The following DLGAP2 variants were observed in gnomAD, a reference collection of about 807,000 sequenced individuals.
DLGAP2 encodes disks large-associated protein 2.
DLGAP2 carries 26 observed loss-of-function variants against 100.3 expected under a neutral mutation model. The ratio of observed to expected loss-of-function variants is 0.26; its 90% CI spans 0.19 to 0.36. DLGAP2 has a LOEUF of 0.36. DLGAP2 is among the 10% of genes least tolerant of loss of function. The probability of loss-of-function intolerance (pLI) is 1.00; values close to 1 mark genes in which losing one functional copy is unlikely to be tolerated. For synonymous variants in DLGAP2, 886 were observed against 630.1 expected, an observed-to-expected ratio of 1.41 and a Z score of -6.08; for missense variants, 1,858 against 1,453.2, an observed-to-expected ratio of 1.28 and a Z score of -4.53.
intron 11 of DLGAP2, among the ~76,000 whole-genome samples, chr8:1,677,653 A>C (rs1410273257): frequency 1.3e-5 from 2 of 152,220 alleles, no homozygotes; most frequent in African/African-American, 2.4e-5. Flanking sequence ...GTGATCAGCT[A>C]TGTGGAAAAG....
At chr8:1,346,112 G>A (rs1801548615) in intron 3 of DLGAP2, among the ~76,000 whole-genome samples, 1 of 152,098 alleles carries the variant, frequency 6.6e-6, no homozygotes, top group Admixed American at 6.5e-5. Context: ...CCCTTATGGT[G>A]TCTGTGTGGA....
Position 1,630,943 on chromosome 8 carries a change from G to A in DLGAP2, c.1591-1884G>A, listed in dbSNP as rs573287724. 1.2e-4 allele frequency among the ~76,000 whole-genome samples: 17 copies of A among 145,742 alleles called. No individual in the cohort carries two copies. In the East Asian group the frequency reaches 1.7e-3, roughly 14 times the overall value. ...GAGGTCCGGGTGTCCCGAGGGTCTC[G>A]GCGGGAGGTCCCAGTGTCCCGAGGG... On this transcript the variant is annotated intron_variant, in intron 7 of 14. Transcript: ENST00000637795.
intron 1 of DLGAP2, among the ~76,000 whole-genome samples, chr8:780,329 TC>T (rs1821650406): frequency 6.6e-6 from 1 of 152,244 alleles, no homozygotes; most frequent in South Asian, 2.1e-4. Flanking sequence ...GATTTCTTTT[TC>T]TTTTAAAGCC....
intron 2 of DLGAP2, among the ~76,000 whole-genome samples, chr8:950,591 A>G (rs1224757018): frequency 1.3e-5 from 2 of 151,908 alleles, no homozygotes; most frequent in African/African-American, 2.4e-5. Flanking sequence ...CCTTGTAGAA[A>G]AATTTGTAGA....
intron 3 of DLGAP2, among the ~76,000 whole-genome samples, chr8:1,379,937 T>G (rs1439937326): frequency 6.7e-6 from 1 of 149,222 alleles, no homozygotes; most frequent in Non-Finnish European, 1.5e-5. Context: ...GTGCCCTCCC[T>G]TCCCTCCCCT....
chr8:1,433,679 T>C (rs1306371888), intron 3 of DLGAP2, among the ~76,000 whole-genome samples: 1 of 151,312 alleles, frequency 6.6e-6, no homozygotes, highest in African/African-American at 2.4e-5. Context: ...TGAACACTGG[T>C]TAGGTGCCTG....
intron 1 of DLGAP2, among the ~76,000 whole-genome samples, chr8:888,999 G>C (rs1443468334): frequency 6.6e-6 from 1 of 152,126 alleles, no homozygotes; most frequent in Non-Finnish European, 1.5e-5. Context: ...GATAGGGGTG[G>C]GGCCATTTTA....
At chr8:1,094,988 G>C (rs1312169462) in intron 2 of DLGAP2, among the ~76,000 whole-genome samples, 1 of 152,204 alleles carries the variant, frequency 6.6e-6, no homozygotes, top group Non-Finnish European at 1.5e-5. Flanking sequence ...CCAGGTCTCA[G>C]CAGCCTGCTC....
chr8:1,168,227 T>C (rs377503769), intron 2 of DLGAP2, among the ~76,000 whole-genome samples: 10 of 151,982 alleles, frequency 6.6e-5, no homozygotes, highest in African/African-American at 2.4e-4. Context: ...TTTTTTATGG[T>C]TGCATAGTAT....
At chr8:1,208,909 T>A (rs56201951) in intron 2 of DLGAP2, among the ~76,000 whole-genome samples, 5,858 of 142,652 alleles carry the variant, frequency 0.041, 157 homozygotes, top group Admixed American at 0.059. Context: ...AATAAATAAA[T>A]AAAATGCTTA....
rs567899208 is a variant in DLGAP2, at chr8:1,586,808, G to A, written c.1442+20914G>A. Among the ~76,000 whole-genome samples the A allele has an allele frequency of 7.7e-4, 118 of 152,280 alleles. 1 individual carries two copies. The highest frequency in any genetic ancestry group is 2.7e-3 in the African/African-American group (113 of 41,550). On this transcript the variant is annotated intron_variant, in intron 6 of 14. Transcript: ENST00000637795. ...AGAGTGTTGTAAAGAAAATATTTGC[G>A]AATGCTCAACCACCAGTCTACTTAT...
intron 2 of DLGAP2, among the ~76,000 whole-genome samples, chr8:1,233,775 C>T (rs1415982107): frequency 6.6e-6 from 1 of 152,156 alleles, no homozygotes; most frequent in Non-Finnish European, 1.5e-5. Context: ...TCACTGGGAG[C>T]TGTACTCCCT....
At chr8:823,939 C>G (rs1429390843) in intron 1 of DLGAP2, among the ~76,000 whole-genome samples, 3 of 152,194 alleles carry the variant, frequency 2.0e-5, no homozygotes, top group South Asian at 2.1e-4. Context: ...ACGATGGAAC[C>G]CCACTTAGCT....
At chr8:1,480,412 C>A (rs1050617628) in intron 3 of DLGAP2, among the ~76,000 whole-genome samples, 2 of 152,138 alleles carry the variant, frequency 1.3e-5, no homozygotes, top group Non-Finnish European at 2.9e-5. Context: ...GCTCTCTGCA[C>A]CCATGGCAGG....
At chr8:802,133 CGGCCTGGGG>C (rs1796176447) in intron 1 of DLGAP2, among the ~76,000 whole-genome samples, 1 of 134,158 alleles carries the variant, frequency 7.5e-6, no homozygotes, top group African/African-American at 2.7e-5. Context: ...TCCGTCCTCA[CGGCCTGGGG>C]AATGGTCCGC....
intron 3 of DLGAP2, among the ~76,000 whole-genome samples, chr8:1,443,731 C>G (rs1179749005): frequency 6.6e-6 from 1 of 152,058 alleles, no homozygotes; most frequent in Non-Finnish European, 1.5e-5. Flanking sequence ...GACTTACTAC[C>G]ATGAGAAGAG....
At chr8:963,303 C>G (rs1278420415) in intron 2 of DLGAP2, among the ~76,000 whole-genome samples, 1 of 152,092 alleles carries the variant, frequency 6.6e-6, no homozygotes, top group Non-Finnish European at 1.5e-5. Context: ...TAAGGCAAGT[C>G]AGCTCTCAGA....
At chr8:831,629 G>A (rs937846185) in intron 1 of DLGAP2, among the ~76,000 whole-genome samples, 3 of 152,118 alleles carry the variant, frequency 2.0e-5, no homozygotes, top group Non-Finnish European at 4.4e-5. Context: ...TGGACATTTG[G>A]GTTGGTTCCA....
chr8:1,450,723 C>T (rs1333042307), intron 3 of DLGAP2, among the ~76,000 whole-genome samples: 1 of 152,100 alleles, frequency 6.6e-6, no homozygotes, highest in African/African-American at 2.4e-5. Flanking sequence ...AGGAGGGGGC[C>T]AAGCGACAGG....
Sources: allele counts gnomAD v4.1 joint callset (sites outside exome capture counted in the v4.1 genomes callset), GRCh38; gene constraint gnomAD v4.1.1; transcripts MANE v1.5; gene names NCBI Gene and HGNC (gene_info 2026-07-23, HGNC 2026-07-21).